LDLRAD4: variants seen among roughly 807,000 people sequenced by gnomAD.
LDLRAD4 encodes low-density lipoprotein receptor class A domain-containing protein 4.
Under a neutral mutation model 17.0 loss-of-function variants are expected in LDLRAD4, and 5 were observed. That is an observed-to-expected ratio of 0.29 (90% CI 0.15 to 0.62). The LOEUF (loss-of-function observed/expected upper bound fraction) is 0.62. Ranked by LOEUF, LDLRAD4 falls within the 20% of genes least tolerant of loss-of-function variation. LDLRAD4 has a pLI of 0.84. For synonymous variants in LDLRAD4, 168 were observed against 171.8 expected (o/e 0.98, Z 0.17); for missense variants, 340 against 424.7 (o/e 0.80, Z 1.75).
chr18:13,363,370 G>A lies in LDLRAD4; in HGVS notation c.-382-23971G>A, dbSNP rs114526088. Among the ~76,000 whole-genome samples the A allele has an allele frequency of 6.4e-3, 960 of 150,794 alleles. 9 individuals carry two copies. The highest frequency in any genetic ancestry group is 0.022 in the African/African-American group (902 of 40,978). ...AAAAAAAAAAAGAATGGAGAAGGAG[G>A]TGGTTAGGTGGGCAGGCTTCATGTT... On this transcript the variant is annotated intron_variant, in intron 1 of 5. Coordinates refer to ENST00000359446, the Ensembl canonical transcript of LDLRAD4.
At chr18:13,223,573 G>A (rs1419704463) in intron 1 of LDLRAD4, among the ~76,000 whole-genome samples, 1 of 152,200 alleles carries the variant, frequency 6.6e-6, no homozygotes, top group African/African-American at 2.4e-5. Context: ...AGCTGCAAGG[G>A]AATTTCCATT....
intron 2 of LDLRAD4, among the ~76,000 whole-genome samples, chr18:13,413,408 T>A (rs542070929): frequency 5.9e-5 from 9 of 152,336 alleles, no homozygotes; most frequent in African/African-American, 1.9e-4. Context: ...TCTGCGGAAG[T>A]TTCTATCACA....
At chr18:13,551,859 G>T (rs899993412) in intron 3 of LDLRAD4, among the ~76,000 whole-genome samples, 6 of 152,194 alleles carry the variant, frequency 3.9e-5, no homozygotes, top group Admixed American at 6.5e-5. Flanking sequence ...TCTGCAGGCT[G>T]TACAAGAAGT....
At chr18:13,326,477 C>A (rs1417472003) in intron 1 of LDLRAD4, among the ~76,000 whole-genome samples, 1 of 152,094 alleles carries the variant, frequency 6.6e-6, no homozygotes, top group Non-Finnish European at 1.5e-5. Context: ...ACCTGGGAAG[C>A]GAAGCTTGTA....
In LDLRAD4 at chr18:13,466,103, G is replaced by A. The variant is rs575671806; in HGVS notation, c.181+27719G>A. On this transcript the variant is annotated intron_variant, in intron 3 of 5. Transcript: ENST00000359446. The stretch of plus-strand genomic sequence containing the variant: ...GAAGTAATCTTTAAAATGGTGCTCC[G>A]AGCATAATTTTCATATAGTAACACA... Among the ~76,000 whole-genome samples, 109 of 152,268 alleles carry A rather than the reference G, an allele frequency of 7.2e-4. 1 individual carries two copies. The highest frequency in any genetic ancestry group is 2.5e-3 in the African/African-American group (102 of 41,544).
At chr18:13,612,816 C>G in intron 3 of LDLRAD4, 1 of 1,611,792 alleles carries the variant, frequency 6.2e-7, no homozygotes, top group Non-Finnish European at 8.5e-7. Flanking sequence ...CATGCTCTTT[C>G]GGGTTTGCTG....
chr18:13,269,707 G>C lies in LDLRAD4; in HGVS notation c.-466-8398G>C, dbSNP rs576447322. ...TGGAGTCAGTCTGAGTCGGCAGTGT[G>C]GGAGTTCCTTCCAGAGAGATGTGTT... On this transcript the variant is annotated intron_variant, in intron 1 of 5. Transcript: ENST00000399848. 2.6e-5 allele frequency among the ~76,000 whole-genome samples: 4 copies of C among 152,294 alleles called. No homozygotes were observed. In the South Asian group the frequency reaches 8.3e-4, roughly 32 times the overall value.
chr18:13,284,415 G>A (rs1283015513), intron 1 of LDLRAD4, among the ~76,000 whole-genome samples: 1 of 152,110 alleles, frequency 6.6e-6, no homozygotes, highest in Non-Finnish European at 1.5e-5. Flanking sequence ...TTGACGCTTT[G>A]CTTTAAACTC....
At chr18:13,230,697 A>T in intron 1 of LDLRAD4, among the ~76,000 whole-genome samples, 1 of 152,160 alleles carries the variant, frequency 6.6e-6, no homozygotes, top group East Asian at 1.9e-4. Context: ...TGCGAGTGTC[A>T]TGGGTAGATG....
At chr18:13,492,803 T>A (rs1350926672) in intron 3 of LDLRAD4, among the ~76,000 whole-genome samples, 1 of 152,190 alleles carries the variant, frequency 6.6e-6, no homozygotes, top group Non-Finnish European at 1.5e-5. Flanking sequence ...GCTCCACTCT[T>A]CCTGCCTTTC....
intron 2 of LDLRAD4, among the ~76,000 whole-genome samples, chr18:13,388,843 C>T (rs1046526569): frequency 4.6e-5 from 7 of 152,232 alleles, no homozygotes; most frequent in Non-Finnish European, 1.0e-4. Flanking sequence ...CACCTGCAGG[C>T]GACCTCCTGA....
intron 1 of LDLRAD4, among the ~76,000 whole-genome samples, chr18:13,225,815 G>A (rs2041752707): frequency 6.6e-6 from 1 of 152,074 alleles, no homozygotes; most frequent in African/African-American, 2.4e-5. Context: ...AGGAAGCTTA[G>A]CATTCTTTCA....
At chr18:13,295,782 G>A (rs2046238859) in intron 1 of LDLRAD4, among the ~76,000 whole-genome samples, 1 of 152,230 alleles carries the variant, frequency 6.6e-6, no homozygotes, top group Non-Finnish European at 1.5e-5. Flanking sequence ...GCCTTCTCTA[G>A]TAGAAATAAA....
rs1328635583 is a variant in LDLRAD4 at position 13,386,921 on chromosome 18, T to C, written c.-382-420T>C. Among the ~76,000 whole-genome samples, 7 of 48,566 alleles carry C rather than the reference T, an allele frequency of 1.4e-4. No homozygotes were observed. In the East Asian group the frequency reaches 1.8e-3, roughly 12 times the overall value. 31.9% of individuals were successfully genotyped at this position (48,566 alleles called of 152,430 possible). On this transcript the variant is annotated intron_variant, in intron 1 of 5. Coordinates refer to ENST00000359446, the Ensembl canonical transcript of LDLRAD4. ...ATAGATAGATAGATAGATAGATAGA[T>C]AGATAGATAGATAGATAGATAGATA...
chr18:13,641,587 GGGGCCTGTGGC>G (rs753068510), intron 4 of LDLRAD4, among the ~76,000 whole-genome samples: 8 of 152,370 alleles, frequency 5.3e-5, no homozygotes, highest in Non-Finnish European at 8.8e-5. Context: ...GAGGGAGGCC[GGGGCCTGTGGC>G]GGGCGAGGGA....
At chr18:13,342,774 CT>C (rs371462140) in intron 1 of LDLRAD4, among the ~76,000 whole-genome samples, 1 of 150,400 alleles carries the variant, frequency 6.6e-6, no homozygotes, top group Non-Finnish European at 1.5e-5. Flanking sequence ...TAGTTGGATT[CT>C]TTTTTTTTAA....
At chr18:13,332,744 GT>G (rs34862768) in intron 1 of LDLRAD4, among the ~76,000 whole-genome samples, 56,620 of 139,608 alleles carry the variant, frequency 0.41, 10,963 homozygotes, top group African/African-American at 0.51. Flanking sequence ...CATTTTTTTT[GT>G]TTTTTTTTTT....
At chr18:13,524,712 A>G (rs76310282) in intron 3 of LDLRAD4, among the ~76,000 whole-genome samples, 96 of 152,350 alleles carry the variant, frequency 6.3e-4, no homozygotes, top group Non-Finnish European at 1.3e-3. Context: ...ACCAGATCAT[A>G]TGGAATGAAC....
intron 5 of LDLRAD4, 182 bp from the exon 7 acceptor site, chr18:13,644,945 G>A: frequency 1.6e-6 from 1 of 612,872 alleles, no homozygotes; most frequent in East Asian, 2.8e-5. Flanking sequence ...CTGTCATAAG[G>A]AATCAGAAAA....
Sources: allele counts gnomAD v4.1 joint callset (sites outside exome capture counted in the v4.1 genomes callset), GRCh38; gene constraint gnomAD v4.1.1; transcripts MANE v1.5; gene names NCBI Gene and HGNC (gene_info 2026-07-23, HGNC 2026-07-21).